Variants in CSGALNACT1 observed in about 807,000 individuals in gnomAD.
CSGALNACT1 encodes chondroitin sulfate N-acetylgalactosaminyltransferase 1, also known as beta4GalNAcT-1.
A neutral mutation model predicts 51.0 loss-of-function variants in CSGALNACT1; 52 were observed. The ratio of observed to expected loss-of-function variants is 1.02; its 90% CI spans 0.82 to 1.29. The LOEUF (loss-of-function observed/expected upper bound fraction) is 1.29, where lower values mean the gene tolerates loss of function less well. CSGALNACT1 is among the 50% of genes most tolerant of loss of function. CSGALNACT1 has a pLI of 0.00. For missense variants in CSGALNACT1, 935 were observed against 679.2 expected (o/e 1.38, Z -4.19); for synonymous variants, 341 against 254.4 (o/e 1.34, Z -3.24).
intron 2 of CSGALNACT1, among the ~76,000 whole-genome samples, chr8:19,593,193 A>C (rs942644467): frequency 2.6e-5 from 4 of 152,236 alleles, no homozygotes; most frequent in African/African-American, 9.6e-5. Context: ...TAATGACAGG[A>C]TGTTCACTGT....
At chr8:19,732,909 T>A (rs1184329100) in intron 1 of CSGALNACT1, among the ~76,000 whole-genome samples, 6 of 152,222 alleles carry the variant, frequency 3.9e-5, no homozygotes, top group Non-Finnish European at 8.8e-5. Context: ...CTTGATTTGT[T>A]CTTTTTAAAA....
rs2077013584 is a variant in CSGALNACT1 at position 19,504,857 on chromosome 8, G to T, written c.634+344C>A. ...GTGTTATTATTCTGTTCATGAGCTT[G>T]CTAACCAAGCTCAGTTACTAGAAGT... is the stretch of plus-strand genomic sequence containing the variant. On this transcript the variant is annotated intron_variant, in intron 4 of 9. Transcript: ENST00000454498. 2.0e-5 allele frequency among the ~76,000 whole-genome samples: 3 copies of T among 152,170 alleles called. No individual in the cohort carries two copies. The South Asian group carries it at 6.2e-4, about 32-fold the overall frequency.
At chr8:19,453,602 G>T (rs755573371) in intron 5 of CSGALNACT1, among the ~76,000 whole-genome samples, 7 of 152,114 alleles carry the variant, frequency 4.6e-5, no homozygotes, top group African/African-American at 7.2e-5. Flanking sequence ...TGTACTACAG[G>T]AAAATCAGTT....
intron 6 of CSGALNACT1, among the ~76,000 whole-genome samples, chr8:19,429,769 T>C (rs768891601): frequency 3.9e-5 from 6 of 152,234 alleles, no homozygotes; most frequent in Non-Finnish European, 7.3e-5. Context: ...AGTCAGATAA[T>C]AATACTACGT....
chr8:19,525,615 CAAAAAAAAA>C (rs34787475), intron 3 of CSGALNACT1, among the ~76,000 whole-genome samples: 275 of 20,358 alleles, frequency 0.014, 4 homozygotes, highest in African/African-American at 0.031. Context: ...AAACTTGTCC[CAAAAAAAAA>C]AAAAAAAAAA....
chr8:19,561,523 C>G (rs958237143), intron 3 of CSGALNACT1, among the ~76,000 whole-genome samples: 6 of 148,326 alleles, frequency 4.0e-5, no homozygotes, highest in African/African-American at 1.3e-4. Context: ...TATCCCAGAT[C>G]CTGTGAAAAA....
At chr8:19,530,468 T>C (rs1195781587) in intron 3 of CSGALNACT1, among the ~76,000 whole-genome samples, 1 of 152,208 alleles carries the variant, frequency 6.6e-6, no homozygotes, top group Non-Finnish European at 1.5e-5. Flanking sequence ...TATGACTTAG[T>C]CTCTACATTT....
chr8:19,551,242 GT>G (rs1188372611), intron 3 of CSGALNACT1, among the ~76,000 whole-genome samples: 1 of 152,232 alleles, frequency 6.6e-6, no homozygotes, highest in Non-Finnish European at 1.5e-5. Context: ...AGCAGTCTGA[GT>G]AGGAAAGACT....
At chr8:19,434,631 G>C (rs1234008289) in intron 6 of CSGALNACT1, among the ~76,000 whole-genome samples, 1 of 152,062 alleles carries the variant, frequency 6.6e-6, no homozygotes, top group East Asian at 1.9e-4. Flanking sequence ...CAAAGAGTTG[G>C]CACACAAAGC....
At chr8:19,503,282 C>G (rs1422482361) in intron 4 of CSGALNACT1, among the ~76,000 whole-genome samples, 1 of 152,162 alleles carries the variant, frequency 6.6e-6, no homozygotes, top group African/African-American at 2.4e-5. Context: ...CCCACGAAAT[C>G]AATACTGAGT....
chr8:19,556,879 A>C (rs765959602), intron 3 of CSGALNACT1, among the ~76,000 whole-genome samples: 1 of 151,892 alleles, frequency 6.6e-6, no homozygotes, highest in South Asian at 2.1e-4. Flanking sequence ...CGGTGTAGAC[A>C]TTTAAAGTAA....
chr8:19,699,909 G>C (rs1471248339), intron 1 of CSGALNACT1, among the ~76,000 whole-genome samples: 1 of 152,068 alleles, frequency 6.6e-6, no homozygotes, highest in African/African-American at 2.4e-5. Flanking sequence ...TCAGGAGTTT[G>C]AGACCAGCCT....
chr8:19,507,667 C>T (rs144092520), intron 3 of CSGALNACT1, among the ~76,000 whole-genome samples: 7 of 152,108 alleles, frequency 4.6e-5, no homozygotes, highest in African/African-American at 1.7e-4. Flanking sequence ...TCTCGCTCAT[C>T]GCCAGGCTGG....
exon 10 of CSGALNACT1, chr8:19,405,154 T>A (rs1300045971): frequency 8.9e-6 from 4 of 449,058 alleles, no homozygotes; most frequent in Non-Finnish European, 1.8e-5. Context: ...AAAAGTGCAT[T>A]TTTAAATAAA....
At chr8:19,422,338 G>A (rs1489560932) in intron 6 of CSGALNACT1, among the ~76,000 whole-genome samples, 1 of 152,078 alleles carries the variant, frequency 6.6e-6, no homozygotes, top group Non-Finnish European at 1.5e-5. Context: ...GACTACAAGT[G>A]CATGCTACCA....
intron 3 of CSGALNACT1, among the ~76,000 whole-genome samples, chr8:19,538,770 G>T (rs1241066724): frequency 6.6e-6 from 1 of 151,906 alleles, no homozygotes; most frequent in Non-Finnish European, 1.5e-5. Flanking sequence ...TGCACATCTG[G>T]GTCAAGGTTA....
intron 1 of CSGALNACT1, among the ~76,000 whole-genome samples, chr8:19,756,031 C>T (rs1486449705): frequency 6.6e-6 from 1 of 152,134 alleles, no homozygotes; most frequent in African/African-American, 2.4e-5. Flanking sequence ...ATGCCTAAGG[C>T]TTACATAAAA....
intron 6 of CSGALNACT1, among the ~76,000 whole-genome samples, chr8:19,421,865 G>C (rs1212482760): frequency 6.6e-6 from 1 of 152,164 alleles, no homozygotes; most frequent in African/African-American, 2.4e-5. Context: ...ATGCCTTTCA[G>C]ATTTGGATCA....
At chr8:19,663,734 C>T (rs2058959192) in intron 1 of CSGALNACT1, among the ~76,000 whole-genome samples, 1 of 152,184 alleles carries the variant, frequency 6.6e-6, no homozygotes, top group Non-Finnish European at 1.5e-5. Context: ...GAGGAAAACG[C>T]AATACTACAT....
Sources: allele counts gnomAD v4.1 joint callset (sites outside exome capture counted in the v4.1 genomes callset), GRCh38; gene constraint gnomAD v4.1.1; transcripts MANE v1.5; gene names NCBI Gene and HGNC (gene_info 2026-07-23, HGNC 2026-07-21).